Variants in STPG2 observed in about 807,000 individuals in gnomAD.
STPG2 encodes sperm tail PG-rich repeat containing 2.
A neutral mutation model predicts 54.2 loss-of-function variants in STPG2; 56 were observed. The observed-to-expected ratio is 1.03, with a 90% CI of 0.83 to 1.29. The LOEUF is 1.29. Among genes scored for constraint, STPG2 ranks in the 50% most tolerant of loss-of-function variants. STPG2 has a pLI of 0.00. For synonymous variants in STPG2, 200 were observed against 181.8 expected, an observed-to-expected ratio of 1.10 and a Z score of -0.81; for missense variants, 596 against 544.9, an observed-to-expected ratio of 1.09 and a Z score of -0.93.
chr4:97,490,960 C>T (rs928874847), intron 4 of STPG2, among the ~76,000 whole-genome samples: 11 of 151,572 alleles, frequency 7.3e-5, no homozygotes, highest in Admixed American at 4.6e-4. Flanking sequence ...CCTCAGTTTA[C>T]TCAGCAAATG....
intron 4 of STPG2, among the ~76,000 whole-genome samples, chr4:97,476,938 A>C (rs1730086988): frequency 6.6e-6 from 1 of 152,208 alleles, no homozygotes; most frequent in Admixed American, 6.5e-5. Flanking sequence ...CTTCAAATGG[A>C]TATATCAAAA....
At chr4:97,722,276 C>T (rs1724473941) in intron 9 of STPG2, among the ~76,000 whole-genome samples, 1 of 152,084 alleles carries the variant, frequency 6.6e-6, no homozygotes, top group Non-Finnish European at 1.5e-5. Context: ...AGAGCCCTCA[C>T]TCATGTAATA....
chr4:97,815,599 T>C (rs929109429), intron 9 of STPG2, among the ~76,000 whole-genome samples: 3 of 152,140 alleles, frequency 2.0e-5, no homozygotes, highest in African/African-American at 7.2e-5. Flanking sequence ...TATTTAAGTA[T>C]TGTTAATTTT....
intron 5 of STPG2, among the ~76,000 whole-genome samples, chr4:98,037,648 A>G (rs1389679193): frequency 6.6e-6 from 1 of 152,034 alleles, no homozygotes; most frequent in Non-Finnish European, 1.5e-5. Flanking sequence ...GCAAAGAGGA[A>G]GACAATTCAA....
chr4:97,563,622 G>A (rs565686979), intron 10 of STPG2, among the ~76,000 whole-genome samples: 92 of 152,164 alleles, frequency 6.0e-4, no homozygotes, highest in Non-Finnish European at 1.1e-3. Context: ...GAGTCCCAGA[G>A]ATTCTTGTAT....
In STPG2 at chr4:97,572,307, T is replaced by C. The variant is rs186970258; in HGVS notation, c.1321-13190A>G. 1.3e-4 allele frequency among the ~76,000 whole-genome samples: 20 copies of C among 152,306 alleles called. No individual in the cohort carries two copies. The East Asian group carries it at 3.9e-3, about 29-fold the overall frequency. Reference sequence around the variant, plus strand: ...GTTACTTCAGCAGTTTCCAACAAACTATTTTCTCTGTTAGTAACCACTGCT... The same window carrying C: ...GTTACTTCAGCAGTTTCCAACAAACCATTTTCTCTGTTAGTAACCACTGCT... On this transcript the variant is annotated intron_variant, in intron 10 of 10. Transcript: ENST00000295268.
At chr4:97,810,388 C>T (rs907816385) in intron 9 of STPG2, among the ~76,000 whole-genome samples, 7 of 149,182 alleles carry the variant, frequency 4.7e-5, no homozygotes, top group Non-Finnish European at 8.9e-5. Context: ...CGCTTGAACC[C>T]GGGGGGCAGA....
intron 8 of STPG2, among the ~76,000 whole-genome samples, chr4:97,920,192 T>A (rs1249599818): frequency 6.6e-6 from 1 of 152,202 alleles, no homozygotes; most frequent in Non-Finnish European, 1.5e-5. Flanking sequence ...ATCAATCTAG[T>A]GCAGTCTTTC....
At chr4:98,071,096 C>T (rs1737988158) in intron 5 of STPG2, among the ~76,000 whole-genome samples, 1 of 150,104 alleles carries the variant, frequency 6.7e-6, no homozygotes, top group South Asian at 2.1e-4. Context: ...CAAAAAAAAG[C>T]CCAAATAGCC....
chr4:97,828,191 T>C (rs1728324706), intron 9 of STPG2, among the ~76,000 whole-genome samples: 1 of 152,064 alleles, frequency 6.6e-6, no homozygotes, highest in Non-Finnish European at 1.5e-5. Context: ...GAGTACCCAG[T>C]TCATCTCATT....
At chr4:97,443,827 A>T (rs956079798) in intron 4 of STPG2, among the ~76,000 whole-genome samples, 11 of 152,202 alleles carry the variant, frequency 7.2e-5, no homozygotes, top group African/African-American at 2.4e-4. Flanking sequence ...GCATGTCAGG[A>T]GATATAATCA....
intron 9 of STPG2, among the ~76,000 whole-genome samples, chr4:97,793,164 A>C (rs1196899106): frequency 6.6e-6 from 1 of 152,066 alleles, no homozygotes; most frequent in African/African-American, 2.4e-5. Flanking sequence ...TCACTTTCGC[A>C]GTAAGACTTT....
intron 4 of STPG2, among the ~76,000 whole-genome samples, chr4:97,486,364 G>A (rs893197809): frequency 3.3e-5 from 5 of 151,718 alleles, no homozygotes; most frequent in African/African-American, 1.2e-4. Context: ...CTAAGAACAT[G>A]AATAGACAAT....
intron 5 of STPG2, among the ~76,000 whole-genome samples, chr4:98,018,745 G>C (rs536409214): frequency 1.3e-5 from 2 of 151,956 alleles, no homozygotes; most frequent in East Asian, 3.9e-4. Context: ...TTGTGGTTTT[G>C]ATTTGCATTT....
At chr4:97,482,438 T>C (rs1312715307) in intron 4 of STPG2, among the ~76,000 whole-genome samples, 1 of 151,590 alleles carries the variant, frequency 6.6e-6, no homozygotes, top group Non-Finnish European at 1.5e-5. Flanking sequence ...GAAATAGAAT[T>C]GAATGAGTAG....
chr4:97,850,979 T>C (rs992304348), intron 8 of STPG2, among the ~76,000 whole-genome samples: 1 of 152,220 alleles, frequency 6.6e-6, no homozygotes, highest in African/African-American at 2.4e-5. Context: ...AATATTGAAC[T>C]ATCTTTGTCA....
chr4:97,849,316 C>T (rs1369643335), intron 8 of STPG2, among the ~76,000 whole-genome samples: 2 of 150,114 alleles, frequency 1.3e-5, no homozygotes, highest in Non-Finnish European at 3.0e-5. Flanking sequence ...CCATAAAAAC[C>T]CTAGAAGAAA....
intron 4 of STPG2, among the ~76,000 whole-genome samples, chr4:97,472,865 A>G (rs972952487): frequency 1.3e-5 from 2 of 152,212 alleles, no homozygotes; most frequent in African/African-American, 4.8e-5. Context: ...AACAGGCTGA[A>G]GCCATGTTAG....
chr4:97,696,218 G>A (rs1235875745), intron 10 of STPG2, among the ~76,000 whole-genome samples: 1 of 152,064 alleles, frequency 6.6e-6, no homozygotes, highest in Admixed American at 6.6e-5. Flanking sequence ...TAGAAATAAA[G>A]CCAAATACTT....
Sources: gnomAD v4.1 joint callset for allele counts (sites outside exome capture counted in the v4.1 genomes callset) on GRCh38, gnomAD v4.1.1 for gene constraint, MANE v1.5 for transcripts, NCBI Gene and HGNC (gene_info 2026-07-23, HGNC 2026-07-21) for gene names.